The following INTS9 variants were observed in gnomAD, a reference collection of about 807,000 sequenced individuals.
INTS9 encodes the protein protein related to CPSF subunits of 74 kDa.
A neutral mutation model predicts 79.7 loss-of-function variants in INTS9; 55 were observed. That is an observed-to-expected ratio of 0.69 (90% CI 0.56 to 0.86). INTS9 has a LOEUF of 0.86. Among genes scored for constraint, INTS9 ranks in the 40% least tolerant of loss-of-function variants. INTS9 has a pLI of 0.00. For synonymous variants in INTS9, 319 were observed against 325.2 expected (o/e 0.98, Z 0.20); for missense variants, 721 against 831.5 (o/e 0.87, Z 1.64).
chr8:28,833,672 GAA>G (rs1371281352), intron 6 of INTS9, among the ~76,000 whole-genome samples: 1 of 145,496 alleles, frequency 6.9e-6, no homozygotes, highest in Admixed American at 6.8e-5. Flanking sequence ...AAAAGAAAAA[GAA>G]AAAGAAAAAA....
intron 15 of INTS9, 127 bp from the exon 16 acceptor site, chr8:28,770,153 G>T (rs995957392): frequency 2.5e-6 from 3 of 1,217,028 alleles, no homozygotes; most frequent in Non-Finnish European, 3.4e-6. Flanking sequence ...GGTTTCCTCA[G>T]CCGGCACTCG....
intron 1 of INTS9, among the ~76,000 whole-genome samples, chr8:28,873,801 T>C (rs567169124): frequency 5.6e-4 from 85 of 152,320 alleles, no homozygotes; most frequent in African/African-American, 2.0e-3. Context: ...ACTGAGAATA[T>C]GTATTTATCA....
At chr8:28,816,992 G>C (rs1052424887) in intron 6 of INTS9, among the ~76,000 whole-genome samples, 2 of 148,980 alleles carry the variant, frequency 1.3e-5, no homozygotes, top group Non-Finnish European at 3.0e-5. Flanking sequence ...CCCACTTTTT[G>C]ATGGGGTTGT....
chr8:28,783,959 C>T (rs559192682), intron 11 of INTS9: 8 of 152,204 alleles, frequency 5.3e-5, no homozygotes, highest in Non-Finnish European at 1.2e-4. Flanking sequence ...GTTCCTGTAG[C>T]TCTACTGATC....
chr8:28,839,362 T>C (rs1807019575), intron 4 of INTS9, among the ~76,000 whole-genome samples: 1 of 151,938 alleles, frequency 6.6e-6, no homozygotes, highest in African/African-American at 2.4e-5. Flanking sequence ...ATGGCCATAC[T>C]GCCCAAGGTA....
At chr8:28,840,301 G>A (rs1231049762) in intron 4 of INTS9, among the ~76,000 whole-genome samples, 3 of 150,518 alleles carry the variant, frequency 2.0e-5, no homozygotes, top group African/African-American at 7.3e-5. Flanking sequence ...AACGGGTGCT[G>A]GAGAGGATGT....
chr8:28,836,830 A>T (rs1024807046), intron 5 of INTS9, among the ~76,000 whole-genome samples: 7 of 152,226 alleles, frequency 4.6e-5, no homozygotes, highest in Admixed American at 1.3e-4. Flanking sequence ...TTTGACATAA[A>T]AACAAGAAAA....
At chr8:28,862,543 G>T (rs1345116842) in intron 1 of INTS9, among the ~76,000 whole-genome samples, 1 of 152,248 alleles carries the variant, frequency 6.6e-6, no homozygotes, top group Non-Finnish European at 1.5e-5. Flanking sequence ...TTCCATACTG[G>T]ACTATTTTTT....
At chr8:28,869,687 G>A (rs775796445) in intron 1 of INTS9, among the ~76,000 whole-genome samples, 1 of 152,170 alleles carries the variant, frequency 6.6e-6, no homozygotes, top group Non-Finnish European at 1.5e-5. Flanking sequence ...TCCACTTTGT[G>A]TCTTGATTCC....
intron 10 of INTS9, among the ~76,000 whole-genome samples, chr8:28,788,609 G>A (rs535210323): frequency 1.3e-5 from 2 of 152,238 alleles, no homozygotes; most frequent in East Asian, 3.9e-4. Flanking sequence ...AGTAGAGACG[G>A]GGTTTCACCA....
chr8:28,776,427 G>GTTTTT (rs72163162), intron 13 of INTS9, among the ~76,000 whole-genome samples: 2 of 85,378 alleles, frequency 2.3e-5, no homozygotes, highest in African/African-American at 4.7e-5. Context: ...CAGAGGCAGA[G>GTTTTT]TTTTTTTTTT....
intron 5 of INTS9, among the ~76,000 whole-genome samples, chr8:28,836,805 G>C (rs1383457632): frequency 6.6e-6 from 1 of 152,084 alleles, no homozygotes; most frequent in Non-Finnish European, 1.5e-5. Context: ...TACATACACA[G>C]TGCAGGTAAT....
At chr8:28,859,650 C>T (rs952365026) in intron 1 of INTS9, 87 bp from the exon 2 acceptor site, 2 of 1,403,278 alleles carry the variant, frequency 1.4e-6, no homozygotes, top group African/African-American at 2.8e-5. Flanking sequence ...TGACGATCTT[C>T]TCTCATAAGA....
rs12545628 is a variant in INTS9 at position 28,805,838 on chromosome 8, A to G, written c.744+6489T>C. On this transcript the variant is annotated intron_variant, in intron 8 of 16. Transcript: ENST00000521022. ...TAAAGGAAGGCAAGAAAGGACTAGGAAAAGAATGAACTAAAAACATGAAAG... is the reference window on the plus strand; with the variant it reads ...TAAAGGAAGGCAAGAAAGGACTAGGGAAAGAATGAACTAAAAACATGAAAG... 4.7e-3 allele frequency among the ~76,000 whole-genome samples: 716 copies of G among 152,316 alleles called. 21 individuals are homozygous for G. The highest frequency in any genetic ancestry group is 0.044 in the Admixed American group (676 of 15,288).
At chr8:28,810,182 A>C (rs1805029155) in intron 8 of INTS9, 1 of 152,572 alleles carries the variant, frequency 6.6e-6, no homozygotes, top group Admixed American at 6.5e-5. Context: ...ACATGGTACA[A>C]GAAGGGAAAA....
Position 28,809,103 on chromosome 8 carries a change from C to A in INTS9, c.744+3224G>T, listed in dbSNP as rs184783090. Reference sequence around the variant, plus strand: ...TAGCTGGGACCACAGGCGCATGCCACCGCACCTGGCTTTTTTTTATTTTAT... The same window carrying A: ...TAGCTGGGACCACAGGCGCATGCCAACGCACCTGGCTTTTTTTTATTTTAT... On this transcript the variant is annotated intron_variant, in intron 8 of 16. Transcript: ENST00000521022. Among the ~76,000 whole-genome samples, 40 of 152,220 alleles carry A rather than the reference C, an allele frequency of 2.6e-4. 1 individual carries two copies. In the South Asian group the frequency reaches 8.1e-3, roughly 31 times the overall value.
chr8:28,872,803 C>T (rs984331554), intron 1 of INTS9, among the ~76,000 whole-genome samples: 1 of 152,154 alleles, frequency 6.6e-6, no homozygotes, highest in African/African-American at 2.4e-5. Context: ...GAGATGTAAA[C>T]ATTTATCCTG....
intron 1 of INTS9, among the ~76,000 whole-genome samples, chr8:28,873,521 T>C (rs775579482): frequency 9.2e-4 from 140 of 152,296 alleles, no homozygotes; most frequent in South Asian, 1.9e-3. Flanking sequence ...AATAGGCAAA[T>C]GTGAGACACA....
intron 10 of INTS9, among the ~76,000 whole-genome samples, chr8:28,789,831 T>C (rs972930088): frequency 2.0e-5 from 3 of 152,126 alleles, no homozygotes; most frequent in Non-Finnish European, 2.9e-5. Context: ...TGAGCCGTGA[T>C]TGTGCTACTG....
Sources: gnomAD v4.1 joint callset for allele counts (sites outside exome capture counted in the v4.1 genomes callset) on GRCh38, gnomAD v4.1.1 for gene constraint, MANE v1.5 for transcripts, NCBI Gene and HGNC (gene_info 2026-07-23, HGNC 2026-07-21) for gene names.